The following GABRA5 variants were observed in gnomAD, a reference collection of about 807,000 sequenced individuals.
The protein encoded by GABRA5 is gamma-aminobutyric acid receptor subunit alpha-5.
Under a neutral mutation model 47.3 loss-of-function variants are expected in GABRA5, and 18 were observed. That is an observed-to-expected ratio of 0.38 (90% confidence interval 0.26 to 0.56). GABRA5 has a LOEUF of 0.56. GABRA5 is among the 20% of genes least tolerant of loss of function. The pLI, the probability that GABRA5 is intolerant of heterozygous loss-of-function variation, is 0.71. For missense variants in GABRA5, 365 were observed against 599.3 expected (o/e 0.61, Z 4.08); for synonymous variants, 237 against 229.3 (o/e 1.03, Z -0.30).
intron 3 of GABRA5, among the ~76,000 whole-genome samples, chr15:26,873,879 C>T (rs775289171): frequency 1.3e-5 from 2 of 152,100 alleles, no homozygotes; most frequent in African/African-American, 4.8e-5. Context: ...AGTTCTTGCA[C>T]GTGGCAAAAA....
At position 26,887,385 on chromosome 15, in the gene GABRA5, A is replaced by AGT. The variant is rs367956819; in HGVS notation, c.497+3830_497+3831dup. On this transcript the variant is annotated intron_variant, in intron 6 of 10. Transcript: ENST00000335625. The stretch of plus-strand genomic sequence containing the variant: ...TGCTCTGTCATCCAGACTGGAGGGC[A>AGT]GTGGCGTGATCTCGGCTCATTGCAA... Among the ~76,000 whole-genome samples, 141 of 152,302 alleles carry AGT rather than the reference A, an allele frequency of 9.3e-4. 2 individuals are homozygous for AGT. Among genetic ancestry groups the AGT allele is most frequent in the African/African-American group, 3.2e-3 (131 of 41,546 alleles).
chr15:26,931,705 T>C (rs1393823682), intron 7 of GABRA5, among the ~76,000 whole-genome samples: 1 of 152,196 alleles, frequency 6.6e-6, no homozygotes, highest in Non-Finnish European at 1.5e-5. Context: ...GATGGGAATA[T>C]TTATTATGAG....
chr15:26,909,713 T>G (rs1893533382), intron 6 of GABRA5, among the ~76,000 whole-genome samples: 1 of 152,234 alleles, frequency 6.6e-6, no homozygotes, highest in South Asian at 2.1e-4. Context: ...GAAGGACCTT[T>G]GTGATTGTAT....
intron 6 of GABRA5, among the ~76,000 whole-genome samples, chr15:26,892,548 G>A (rs1452459998): frequency 6.6e-6 from 1 of 152,212 alleles, no homozygotes; most frequent in Non-Finnish European, 1.5e-5. Context: ...TTTTAACGGA[G>A]GCGATTTTTC....
chr15:26,903,318 T>C (rs1158216392), intron 6 of GABRA5, among the ~76,000 whole-genome samples: 1 of 152,204 alleles, frequency 6.6e-6, no homozygotes, highest in Non-Finnish European at 1.5e-5. Context: ...TAGTATTCCA[T>C]GGTGTATATG....
chr15:26,924,710 T>C (rs576388047), intron 7 of GABRA5, among the ~76,000 whole-genome samples: 18 of 152,132 alleles, frequency 1.2e-4, no homozygotes, highest in Non-Finnish European at 2.1e-4. Context: ...CAGGGCCACG[T>C]TTTTTGGGGG....
At chr15:26,942,113 T>TG (rs1173755773) in intron 9 of GABRA5, among the ~76,000 whole-genome samples, 5 of 152,184 alleles carry the variant, frequency 3.3e-5, no homozygotes, top group Admixed American at 1.3e-4. Context: ...GCTCCCAGTG[T>TG]GGGTAGTCTC....
intron 7 of GABRA5, among the ~76,000 whole-genome samples, chr15:26,918,625 T>G (rs1893771011): frequency 6.6e-6 from 1 of 152,212 alleles, no homozygotes; most frequent in African/African-American, 2.4e-5. Context: ...TTTTCAGTTG[T>G]TCTTACGTTG....
At position 26,876,177 on chromosome 15, in the gene GABRA5, G is replaced by A. The variant is rs150595104; in HGVS notation, c.87-4669G>A. On this transcript the variant is annotated intron_variant, in intron 3 of 10. Transcript: ENST00000335625. Reference sequence around the variant, plus strand: ...GTAGGGAAGAGGTTTGGGTACAGAAGGTCACAGGTGCAGTGGTGGTGTGGG... The same window carrying A: ...GTAGGGAAGAGGTTTGGGTACAGAAAGTCACAGGTGCAGTGGTGGTGTGGG... Among the ~76,000 whole-genome samples, 264 of 152,298 alleles carry A rather than the reference G, an allele frequency of 1.7e-3. 3 individuals are homozygous for A. In the East Asian group the frequency reaches 0.032, roughly 19 times the overall value.
chr15:26,929,918 A>G (rs1361459584), intron 7 of GABRA5, among the ~76,000 whole-genome samples: 1 of 151,806 alleles, frequency 6.6e-6, no homozygotes, highest in Non-Finnish European at 1.5e-5. Flanking sequence ...TCTCCCAAAC[A>G]GGCTTTCTCA....
intron 3 of GABRA5, chr15:26,877,630 G>A: frequency 2.2e-6 from 1 of 455,064 alleles, no homozygotes; most frequent in Non-Finnish European, 4.4e-6. Flanking sequence ...TAGCACCCGT[G>A]GTGGAATGAC....
At chr15:26,895,823 A>AAAAAAAAAAAG (rs1893175865) in intron 6 of GABRA5, among the ~76,000 whole-genome samples, 1 of 65,226 alleles carries the variant, frequency 1.5e-5, no homozygotes, top group Non-Finnish European at 4.7e-5. Context: ...AAAAAAAAAA[A>AAAAAAAAAAAG]AAAAAGAAGA....
At chr15:26,880,474 TTG>T (rs1351838010) in intron 3 of GABRA5, 1 of 161,990 alleles carries the variant, frequency 6.2e-6, no homozygotes, top group East Asian at 1.8e-4. Flanking sequence ...AACTCGGTTT[TTG>T]TGTGTTTAAA....
At position 26,869,392 on chromosome 15, in the gene GABRA5, C is replaced by T. The variant is rs759340061; in HGVS notation, c.86+58C>T. On this transcript the variant is annotated intron_variant, in intron 3 of 10. Coordinates refer to ENST00000335625, the MANE Select transcript of GABRA5 (RefSeq NM_000810.4). ...GTTAGGGACACTGGTGCCTTTCAGA[C>T]ATGTTACGGGAGCAGCACATCCATT... 23 of 1,034,470 alleles carry T rather than the reference C, an allele frequency of 2.2e-5. No individual in the cohort carries two copies. The Middle Eastern group carries it at 6.1e-4, about 27-fold the overall frequency. 64.1% of individuals were successfully genotyped at this position (1,034,470 alleles called of 1,614,324 possible).
At chr15:26,943,691 C>T (rs536855770) in intron 10 of GABRA5, among the ~76,000 whole-genome samples, 5 of 152,232 alleles carry the variant, frequency 3.3e-5, no homozygotes, top group Admixed American at 6.5e-5. Flanking sequence ...TCTTGAGGGA[C>T]GACTTGTCTG....
intron 3 of GABRA5, 111 bp from the exon 4 acceptor site, chr15:26,880,735 T>C: frequency 9.0e-7 from 1 of 1,105,406 alleles, no homozygotes; most frequent in South Asian, 1.5e-5. Flanking sequence ...TGTTCTCAGA[T>C]CCTCGTCTCA....
chr15:26,881,794 G>A (rs1263021026), intron 4 of GABRA5, among the ~76,000 whole-genome samples: 1 of 152,130 alleles, frequency 6.6e-6, no homozygotes, highest in Non-Finnish European at 1.5e-5. Flanking sequence ...CTGCCTCCCA[G>A]GTTTAAGTGA....
At chr15:26,897,400 A>T (rs1893224427) in intron 6 of GABRA5, among the ~76,000 whole-genome samples, 1 of 152,136 alleles carries the variant, frequency 6.6e-6, no homozygotes. Flanking sequence ...AGCCAAGCAC[A>T]GAGGCCTCAG....
chr15:26,879,375 T>C (rs1025546867), intron 3 of GABRA5, among the ~76,000 whole-genome samples: 3 of 152,178 alleles, frequency 2.0e-5, no homozygotes, highest in African/African-American at 7.2e-5. Context: ...GGAGGAGCTA[T>C]GCTAGGCTTA....
Sources: gnomAD v4.1 joint callset for allele counts (sites outside exome capture counted in the v4.1 genomes callset) on GRCh38, gnomAD v4.1.1 for gene constraint, MANE v1.5 for transcripts, NCBI Gene and HGNC (gene_info 2026-07-23, HGNC 2026-07-21) for gene names.